Variants in PAPPA2 observed in about 807,000 individuals in gnomAD.
PAPPA2 encodes pappalysin 2, also known as pappalysin-2.
A neutral mutation model predicts 176.4 loss-of-function variants in PAPPA2; 86 were observed. The observed-to-expected ratio is 0.49, with a 90% CI of 0.41 to 0.58. PAPPA2 has a LOEUF of 0.58. PAPPA2 is among the 20% of genes least tolerant of loss of function. The pLI, the probability that PAPPA2 is intolerant of heterozygous loss-of-function variation, is 0.00. For synonymous variants in PAPPA2, 809 were observed against 852.2 expected (o/e 0.95, Z 0.88); for missense variants, 2,073 against 2,256.9 (o/e 0.92, Z 1.65).
chr1:176,710,061 G>A lies in PAPPA2; in HGVS notation c.3536G>A (p.Cys1179Tyr), dbSNP rs1661073948. 3 of 1,613,422 alleles carry A rather than the reference G, an allele frequency of 1.9e-6. No homozygotes were observed. Among genetic ancestry groups the A allele is most frequent in the Non-Finnish European group, 2.5e-6 (3 of 1,179,598 alleles). The change falls in exon 11 of 23, where the codon TGT becomes TAT. Residue 1179 changes from cysteine (C) to tyrosine (Y), a missense_variant. Around this residue, in one of 4 missense-constraint regions of PAPPA2, gnomAD observed 846 missense variants for 857.9 expected, o/e 0.99. Transcript: ENST00000367662. Reference sequence around the variant, plus strand: ...GAGAGAAAAACCAGCATTGTAGACTGTGGCATCTACACTCCCAAAGGATAC... The same window carrying A: ...GAGAGAAAAACCAGCATTGTAGACTATGGCATCTACACTCCCAAAGGATAC... ...PFERKTSIVD[C>Y]GIYTPKGYLD...
Position 176,699,203 on chromosome 1 carries a change from C to A in PAPPA2, c.2850C>A (p.Gly950=). ...MNMTVPCPTE[G]CSLELLFQHP... Reference sequence around the variant, plus strand: ...TGACGGTCCCCTGCCCCACAGAAGGCTGTAGCTTGGAGCTGCTCTTCCAAC... The same window carrying A: ...TGACGGTCCCCTGCCCCACAGAAGGATGTAGCTTGGAGCTGCTCTTCCAAC... Residue 950 remains glycine (G), a synonymous_variant, in exon 8 of 23, where the codon GGC becomes GGA. Transcript: ENST00000367662. The A allele has an allele frequency of 1.9e-6, 3 of 1,614,184 alleles. No individual in the cohort carries two copies. The highest frequency in any genetic ancestry group is 2.5e-6 in the Non-Finnish European group (3 of 1,180,010).
chr1:176,504,682 C>T (rs1322115143), intron 1 of PAPPA2, among the ~76,000 whole-genome samples: 4 of 152,056 alleles, frequency 2.6e-5, no homozygotes, highest in African/African-American at 9.7e-5. Context: ...TTACATTTCC[C>T]CTCTCTTTGG....
rs74225976 is a variant in PAPPA2 at position 176,487,028 on chromosome 1, G to A, written c.-917+23610G>A. Among the ~76,000 whole-genome samples, 585 of 151,922 alleles carry A rather than the reference G, an allele frequency of 3.9e-3. 9 individuals carry two copies. Among genetic ancestry groups the A allele is most frequent in the East Asian group, 0.027 (140 of 5,156 alleles). ...AGAACCAGGAAAACATGGCCAAAAG[G>A]GCCTCCACAGATCCTCAAAAAAGGA... On this transcript the variant is annotated intron_variant, in intron 1 of 22. Transcript: ENST00000367662.
intron 15 of PAPPA2, among the ~76,000 whole-genome samples, chr1:176,767,953 A>G (rs374393194): frequency 2.0e-5 from 3 of 152,196 alleles, no homozygotes; most frequent in African/African-American, 7.2e-5. Context: ...CCTTCTGGCA[A>G]GCAATGGAGA....
intron 3 of PAPPA2, among the ~76,000 whole-genome samples, chr1:176,597,562 A>G (rs1323751073): frequency 3.3e-5 from 5 of 152,158 alleles, no homozygotes; most frequent in Admixed American, 2.6e-4. Context: ...GAAGGATAGC[A>G]TTAGGAGAAA....
At chr1:176,631,011 CT>C (rs1656306102) in intron 3 of PAPPA2, among the ~76,000 whole-genome samples, 1 of 152,030 alleles carries the variant, frequency 6.6e-6, no homozygotes, top group South Asian at 2.1e-4. Context: ...CAGGGAAAGC[CT>C]GTAGAATCTG....
At chr1:176,779,476 T>TCACA (rs376976102) in intron 17 of PAPPA2, among the ~76,000 whole-genome samples, 10,829 of 126,630 alleles carry the variant, frequency 0.086, 481 homozygotes, top group East Asian at 0.12. Context: ...TCCATACTCA[T>TCACA]CACACACACA....
chr1:176,826,614 T>C (rs1012920817), intron 21 of PAPPA2, among the ~76,000 whole-genome samples: 1 of 152,152 alleles, frequency 6.6e-6, no homozygotes, highest in African/African-American at 2.4e-5. Flanking sequence ...GAACTGTCCA[T>C]AGACATGGGA....
intron 1 of PAPPA2, among the ~76,000 whole-genome samples, chr1:176,529,226 A>T (rs1028564152): frequency 3.3e-5 from 5 of 152,232 alleles, no homozygotes; most frequent in Non-Finnish European, 7.4e-5. Flanking sequence ...TCAGGTGGGA[A>T]AAAAAGAGAC....
intron 2 of PAPPA2, among the ~76,000 whole-genome samples, chr1:176,587,482 G>A (rs2102638945): frequency 6.6e-6 from 1 of 152,250 alleles, no homozygotes; most frequent in African/African-American, 2.4e-5. Flanking sequence ...TGTAAGGAAG[G>A]GGTTCAGTTT....
chr1:176,695,966 A>C, intron 7 of PAPPA2, 107 bp downstream of exon 7: 2 of 864,312 alleles, frequency 2.3e-6, no homozygotes, highest in Non-Finnish European at 3.5e-6. Flanking sequence ...ATGTATGTGT[A>C]TGTGTGTGTG....
chr1:176,666,561 ATGTGTGTGTGTGTGTGTGTGTGTGTG>A (rs139660279), intron 3 of PAPPA2, among the ~76,000 whole-genome samples: 1 of 109,456 alleles, frequency 9.1e-6, no homozygotes, highest in Non-Finnish European at 1.8e-5. Flanking sequence ...GTAAATATAT[ATGTGTGTGTGTGTGTGTGTGTGTGTG>A]TGTGTGTGTG....
intron 3 of PAPPA2, among the ~76,000 whole-genome samples, chr1:176,621,610 A>C (rs1391082411): frequency 6.6e-6 from 1 of 152,214 alleles, no homozygotes; most frequent in East Asian, 1.9e-4. Flanking sequence ...TGACAAAGCC[A>C]ATTTCTTAGA....
At chr1:176,671,219 A>T (rs112752387) in intron 4 of PAPPA2, 104 bp downstream of exon 4, 3 of 1,453,686 alleles carry the variant, frequency 2.1e-6, no homozygotes, top group South Asian at 2.6e-5. Context: ...GAAAAAGTGA[A>T]TTTACACAGT....
At chr1:176,598,847 T>C (rs1176714041) in intron 3 of PAPPA2, among the ~76,000 whole-genome samples, 1 of 152,174 alleles carries the variant, frequency 6.6e-6, no homozygotes, top group East Asian at 1.9e-4. Context: ...TTCTCTTCAA[T>C]GCGTTTTTTT....
chr1:176,821,516 C>T (rs1179560747), intron 21 of PAPPA2, among the ~76,000 whole-genome samples: 2 of 152,200 alleles, frequency 1.3e-5, no homozygotes, highest in Admixed American at 6.5e-5. Context: ...CATGCATCTA[C>T]AAGTTGGCTA....
intron 1 of PAPPA2, among the ~76,000 whole-genome samples, chr1:176,530,121 G>C (rs151223125): frequency 5.8e-4 from 89 of 152,306 alleles, no homozygotes; most frequent in African/African-American, 2.1e-3. Context: ...CAGGCTACCT[G>C]CTCTTGAAAC....
intron 21 of PAPPA2, among the ~76,000 whole-genome samples, chr1:176,813,237 T>C (rs929351635): frequency 6.6e-6 from 1 of 152,180 alleles, no homozygotes. Flanking sequence ...TTGTGAATAG[T>C]GCTGCAATGA....
intron 15 of PAPPA2, among the ~76,000 whole-genome samples, chr1:176,767,212 T>C (rs1334496586): frequency 2.6e-5 from 4 of 152,192 alleles, no homozygotes; most frequent in African/African-American, 7.2e-5. Context: ...CCACTCGTGA[T>C]AGGTGAAGAA....
Sources: gnomAD v4.1 joint callset for allele counts (sites outside exome capture counted in the v4.1 genomes callset) on GRCh38, gnomAD v4.1.1 for gene constraint, gnomAD v4.1.1 regional missense constraint, MANE v1.5 for transcripts, NCBI Gene and HGNC (gene_info 2026-07-23, HGNC 2026-07-21) for gene names.